The following DLGAP2 variants were observed in gnomAD, a reference collection of about 807,000 sequenced individuals.
DLGAP2 encodes DLG associated protein 2, also known as disks large-associated protein 2.
A neutral mutation model predicts 100.3 loss-of-function variants in DLGAP2; 26 were observed. The ratio of observed to expected loss-of-function variants is 0.26; its 90% CI spans 0.19 to 0.36. DLGAP2 has a LOEUF of 0.36. Among genes scored for constraint, DLGAP2 ranks in the 10% least tolerant of loss-of-function variants. The pLI is 1.00. For synonymous variants in DLGAP2, 886 were observed against 630.1 expected, an observed-to-expected ratio of 1.41 and a Z score of -6.08; for missense variants, 1,858 against 1,453.2, an observed-to-expected ratio of 1.28 and a Z score of -4.53.
chr8:1,444,907 G>C (rs969832942), intron 3 of DLGAP2, among the ~76,000 whole-genome samples: 1 of 150,678 alleles, frequency 6.6e-6, no homozygotes, highest in Non-Finnish European at 1.5e-5. Context: ...CGAGTAGCTG[G>C]GATTATAGGC....
chr8:1,258,185 G>A (rs1171263410), intron 2 of DLGAP2, among the ~76,000 whole-genome samples: 1 of 152,206 alleles, frequency 6.6e-6, no homozygotes, highest in East Asian at 1.9e-4. Flanking sequence ...TAACTTTTGT[G>A]CCTGAAAGGA....
intron 3 of DLGAP2, among the ~76,000 whole-genome samples, chr8:1,475,266 A>T (rs1017275243): frequency 6.6e-6 from 1 of 152,154 alleles, no homozygotes; most frequent in African/African-American, 2.4e-5. Flanking sequence ...GCATCACACA[A>T]TCAACCTACA....
intron 1 of DLGAP2, among the ~76,000 whole-genome samples, chr8:881,472 T>A (rs1251622281): frequency 1.3e-5 from 2 of 149,724 alleles, no homozygotes; most frequent in Non-Finnish European, 3.0e-5. Context: ...TATTTTCTCA[T>A]CCTCTCCTTA....
chr8:1,311,509 G>C (rs549657675), intron 3 of DLGAP2, among the ~76,000 whole-genome samples: 3 of 152,284 alleles, frequency 2.0e-5, no homozygotes, highest in South Asian at 4.1e-4. Context: ...CCTTATCAAT[G>C]TAGATGCTAA....
intron 1 of DLGAP2, among the ~76,000 whole-genome samples, chr8:800,615 C>T (rs539921952): frequency 1.3e-5 from 2 of 152,180 alleles, no homozygotes; most frequent in African/African-American, 4.8e-5. Flanking sequence ...TGTGTGTGTA[C>T]ATGTATGTTT....
chr8:1,351,559 A>C (rs375428235), intron 3 of DLGAP2, among the ~76,000 whole-genome samples: 90 of 35,484 alleles, frequency 2.5e-3, no homozygotes, highest in Admixed American at 7.9e-3. Flanking sequence ...TGTGGAAAGG[A>C]CGTGCGGGTC....
intron 1 of DLGAP2, among the ~76,000 whole-genome samples, chr8:813,186 C>G (rs1204019727): frequency 2.0e-5 from 3 of 151,422 alleles, no homozygotes; most frequent in Non-Finnish European, 2.9e-5. Flanking sequence ...ATTATATGGT[C>G]AAGACAAAAA....
rs375286090 is a variant in DLGAP2 at position 1,626,780 on chromosome 8, C to T, written c.1483C>T (p.His495Tyr). The change falls in exon 7 of 15, where the codon CAC (histidine) becomes TAC (tyrosine). Residue 495 changes from histidine (H) to tyrosine (Y), a missense_variant. Coordinates refer to ENST00000637795, the MANE Select transcript of DLGAP2 (RefSeq NM_001346810.2). ...AGCTGCAAGCGATGTGCCTGTGGGA[C>T]ACAGCCTGGACCCCGCTGCGAACTA... The part of the protein sequence containing the change: ...LQAASDVPVG[H>Y]SLDPAANYNS... 3.7e-6 allele frequency: 6 copies of T among 1,604,008 alleles called. No homozygotes were observed. In the Admixed American group the frequency reaches 6.8e-5, roughly 18 times the overall value.
At chr8:759,524 C>G (rs1218585824) in intron 1 of DLGAP2, among the ~76,000 whole-genome samples, 4 of 151,534 alleles carry the variant, frequency 2.6e-5, no homozygotes, top group Admixed American at 6.6e-5. Context: ...GCTGCACATT[C>G]CTGGGGTTGG....
chr8:1,549,258 G>C lies in DLGAP2; in HGVS notation c.805G>C (p.Ala269Pro), dbSNP rs746322363. ...ADGRADDHHH[A>P]HHAKHSKRSK... ...CGGCCGGGCGGACGACCACCACCACGCCCACCACGCCAAGCACAGCAAGAG... is the reference window on the plus strand; with the variant it reads ...CGGCCGGGCGGACGACCACCACCACCCCCACCACGCCAAGCACAGCAAGAG... Residue 269 changes from alanine to proline, a missense_variant, in exon 5 of 15, where the codon GCC (alanine) becomes CCC (proline). Ala to Pro is a conservative substitution (Grantham distance 27). Coordinates refer to ENST00000637795, the MANE Select transcript of DLGAP2 (RefSeq NM_001346810.2). The C allele has an allele frequency of 6.2e-7, 1 of 1,610,160 alleles. No homozygotes were observed. The highest frequency in any genetic ancestry group is 8.5e-7 in the Non-Finnish European group (1 of 1,179,050).
intron 1 of DLGAP2, among the ~76,000 whole-genome samples, chr8:771,270 T>A (rs1288983908): frequency 6.6e-6 from 1 of 152,230 alleles, no homozygotes; most frequent in Non-Finnish European, 1.5e-5. Context: ...CTAAGAGATA[T>A]GAGTTTTAAT....
chr8:1,197,710 C>T (rs138168280), intron 2 of DLGAP2, among the ~76,000 whole-genome samples: 2 of 129,810 alleles, frequency 1.5e-5, no homozygotes, highest in East Asian at 4.6e-4. Context: ...CAATGTGGAG[C>T]ATCTGGGCCA....
At chr8:1,600,419 T>C (rs1387097471) in intron 6 of DLGAP2, among the ~76,000 whole-genome samples, 1 of 152,132 alleles carries the variant, frequency 6.6e-6, no homozygotes, top group Non-Finnish European at 1.5e-5. Context: ...TTGTTGGCCT[T>C]TCTTGCTAGG....
chr8:920,987 C>T (rs1411762308), intron 2 of DLGAP2, among the ~76,000 whole-genome samples: 1 of 152,040 alleles, frequency 6.6e-6, no homozygotes, highest in East Asian at 1.9e-4. Flanking sequence ...CCCGGGTGCT[C>T]TTGGAAACCT....
At chr8:1,098,824 G>T (rs73670437) in intron 2 of DLGAP2, among the ~76,000 whole-genome samples, 1,923 of 149,520 alleles carry the variant, frequency 0.013, 80 homozygotes, top group African/African-American at 0.046. Context: ...CAGGCTCCCG[G>T]CCGCGCACGG....
Position 792,444 on chromosome 8 carries a change from G to A in DLGAP2, c.18+54619G>A, listed in dbSNP as rs189553992. On this transcript the variant is annotated intron_variant, in intron 1 of 14. Coordinates refer to ENST00000637795, the MANE Select transcript of DLGAP2 (RefSeq NM_001346810.2). ...GTGCTGAATACTAAAATTGATCCTG[G>A]ATGTCCTTTCATGTTTCACCATAAT... Among the ~76,000 whole-genome samples, 650 of 152,254 alleles carry A rather than the reference G, an allele frequency of 4.3e-3. 1 individual carries two copies. Among genetic ancestry groups the A allele is most frequent in the Non-Finnish European group, 7.0e-3 (474 of 68,018 alleles).
intron 4 of DLGAP2, among the ~76,000 whole-genome samples, chr8:1,532,067 T>C (rs1396386802): frequency 6.6e-6 from 1 of 152,216 alleles, no homozygotes; most frequent in African/African-American, 2.4e-5. Flanking sequence ...TGCATTCTTT[T>C]GAGTTTCTGA....
At chr8:1,276,491 C>T (rs1018139474) in intron 3 of DLGAP2, among the ~76,000 whole-genome samples, 1 of 152,124 alleles carries the variant, frequency 6.6e-6, no homozygotes, top group African/African-American at 2.4e-5. Context: ...GCGGCATCTT[C>T]ACTTTGCTTG....
chr8:1,237,409 A>C (rs1161167281), intron 2 of DLGAP2, among the ~76,000 whole-genome samples: 390 of 19,988 alleles, frequency 0.02, no homozygotes, highest in Middle Eastern at 0.059. Flanking sequence ...CTAGTTACCT[A>C]TCACATGGTG....
Sources: gnomAD v4.1 joint callset for allele counts (sites outside exome capture counted in the v4.1 genomes callset) on GRCh38, gnomAD v4.1.1 for gene constraint, MANE v1.5 for transcripts, NCBI Gene and HGNC (gene_info 2026-07-23, HGNC 2026-07-21) for gene names.